ZNF804B: variants seen among roughly 807,000 people sequenced by gnomAD.
ZNF804B encodes zinc finger 804B.
Under a neutral mutation model 101.4 loss-of-function variants are expected in ZNF804B, and 80 were observed. That is an observed-to-expected ratio of 0.79 (90% CI 0.66 to 0.95). The LOEUF (loss-of-function observed/expected upper bound fraction) is 0.95, where lower values mean the gene tolerates loss of function less well. Ranked by LOEUF, ZNF804B falls within the 40% of genes least tolerant of loss-of-function variation. The pLI, the probability that ZNF804B is intolerant of heterozygous loss-of-function variation, is 0.00. For synonymous variants in ZNF804B, 622 were observed against 558.8 expected (o/e 1.11, Z -1.59); for missense variants, 1,673 against 1,561.9 (o/e 1.07, Z -1.20).
At chr7:89,140,443 C>G (rs1329401608) in intron 1 of ZNF804B, among the ~76,000 whole-genome samples, 1 of 151,980 alleles carries the variant, frequency 6.6e-6, no homozygotes, top group Non-Finnish European at 1.5e-5. Flanking sequence ...TTATCTTTAT[C>G]CAATAAAAGG....
At chr7:88,953,339 C>T (rs1203365866) in intron 1 of ZNF804B, among the ~76,000 whole-genome samples, 1 of 151,742 alleles carries the variant, frequency 6.6e-6, no homozygotes, top group Non-Finnish European at 1.5e-5. Context: ...TTTCCCTGCT[C>T]TAATGTCACT....
At chr7:89,137,545 G>A (rs768609954) in intron 1 of ZNF804B, among the ~76,000 whole-genome samples, 3 of 152,084 alleles carry the variant, frequency 2.0e-5, no homozygotes, top group African/African-American at 4.8e-5. Flanking sequence ...GAAATTTGGA[G>A]AGATGATTTA....
intron 1 of ZNF804B, among the ~76,000 whole-genome samples, chr7:89,139,073 A>C (rs1790679527): frequency 6.6e-6 from 1 of 152,148 alleles, no homozygotes; most frequent in African/African-American, 2.4e-5. Flanking sequence ...TTTGCTCCAG[A>C]CCACTACAAT....
At position 89,265,289 on chromosome 7, in the gene ZNF804B, T is replaced by TGCGC. The variant is rs1255212944; in HGVS notation, c.249+46995_249+46996insCGCG. On this transcript the variant is annotated intron_variant, in intron 2 of 3. Transcript: ENST00000333190. ...CAGTGTGTGTGTGTGTGTGTGTGTG[T>TGCGC]GTGTGCGCGTGCGCGCGCGCACACA... 9.4e-3 allele frequency among the ~76,000 whole-genome samples: 1,117 copies of TGCGC among 118,542 alleles called. 29 individuals carry two copies. In the East Asian group the frequency reaches 0.16, roughly 17 times the overall value. The allele number at this position is 118,542 out of a possible 152,430, so 77.8% of individuals were successfully genotyped here. A position where few individuals can be genotyped will look rare whatever the true frequency, so the allele number is the denominator to read the frequency against.
chr7:89,224,395 A>G (rs1381182260), intron 2 of ZNF804B, among the ~76,000 whole-genome samples: 1 of 152,066 alleles, frequency 6.6e-6, no homozygotes, highest in Non-Finnish European at 1.5e-5. Context: ...ACATATCAAA[A>G]CAGAACTACC....
chr7:89,115,950 A>C (rs1171322836), intron 1 of ZNF804B, among the ~76,000 whole-genome samples: 1 of 148,910 alleles, frequency 6.7e-6, no homozygotes, highest in African/African-American at 2.5e-5. Flanking sequence ...CCAGTTGCCC[A>C]GACTGGAGCA....
chr7:88,845,295 G>GTGCA (rs1554339279), intron 1 of ZNF804B, among the ~76,000 whole-genome samples: 1 of 101,312 alleles, frequency 9.9e-6, no homozygotes, highest in Non-Finnish European at 2.1e-5. Context: ...GCGCGCGCAC[G>GTGCA]CGCGCGCACA....
At chr7:88,995,563 A>G (rs1788176897) in intron 1 of ZNF804B, among the ~76,000 whole-genome samples, 1 of 151,880 alleles carries the variant, frequency 6.6e-6, no homozygotes. Context: ...AATCCCAAGC[A>G]TTCTCACCTC....
At chr7:88,822,414 G>A (rs1012516530) in intron 1 of ZNF804B, among the ~76,000 whole-genome samples, 3 of 152,082 alleles carry the variant, frequency 2.0e-5, no homozygotes, top group East Asian at 1.9e-4. Context: ...TATAGTTATC[G>A]CTAAATACAG....
intron 1 of ZNF804B, among the ~76,000 whole-genome samples, chr7:88,977,331 T>C (rs2116124613): frequency 6.6e-6 from 1 of 151,602 alleles, no homozygotes; most frequent in African/African-American, 2.4e-5. Context: ...TATTAGTTCT[T>C]TTTTAAATGT....
intron 1 of ZNF804B, among the ~76,000 whole-genome samples, chr7:88,956,498 C>T (rs1273837664): frequency 1.3e-5 from 2 of 151,482 alleles, no homozygotes; most frequent in South Asian, 4.1e-4. Context: ...ATGTTTATGG[C>T]ACTCTATTAC....
intron 1 of ZNF804B, among the ~76,000 whole-genome samples, chr7:88,977,089 G>A (rs1264531626): frequency 6.6e-6 from 1 of 151,688 alleles, no homozygotes; most frequent in Non-Finnish European, 1.5e-5. Context: ...GATCTCACTT[G>A]GTCCTGATGA....
At chr7:89,296,129 T>G (rs773144553) in intron 2 of ZNF804B, among the ~76,000 whole-genome samples, 1 of 152,126 alleles carries the variant, frequency 6.6e-6, no homozygotes, top group Non-Finnish European at 1.5e-5. Context: ...AAACCACTTG[T>G]ACCTAAAAGC....
intron 2 of ZNF804B, among the ~76,000 whole-genome samples, chr7:89,279,313 T>G (rs1790041784): frequency 6.6e-6 from 1 of 151,858 alleles, no homozygotes; most frequent in African/African-American, 2.4e-5. Flanking sequence ...ACAATTTGAC[T>G]TCCTCTTTTC....
intron 1 of ZNF804B, among the ~76,000 whole-genome samples, chr7:89,152,079 T>C (rs1209862124): frequency 6.6e-6 from 1 of 152,186 alleles, no homozygotes; most frequent in Non-Finnish European, 1.5e-5. Context: ...ACTACCCTGG[T>C]GTTCCTGTGA....
At chr7:89,276,302 T>C (rs1193869666) in intron 2 of ZNF804B, among the ~76,000 whole-genome samples, 2 of 151,958 alleles carry the variant, frequency 1.3e-5, no homozygotes, top group East Asian at 3.9e-4. Flanking sequence ...CTGCACATCC[T>C]GCACATGTAC....
chr7:88,771,453 T>G (rs149715583), intron 1 of ZNF804B, among the ~76,000 whole-genome samples: 6 of 152,240 alleles, frequency 3.9e-5, no homozygotes, highest in African/African-American at 1.4e-4. Context: ...CTGGAAGTTT[T>G]ATTTTAAAAA....
chr7:89,018,890 A>C (rs1788614573), intron 1 of ZNF804B, among the ~76,000 whole-genome samples: 1 of 151,792 alleles, frequency 6.6e-6, no homozygotes, highest in Non-Finnish European at 1.5e-5. Flanking sequence ...CTCTCTTTTT[A>C]GTCTAGCTAA....
chr7:88,898,431 C>T (rs1792342211), intron 1 of ZNF804B, among the ~76,000 whole-genome samples: 1 of 151,880 alleles, frequency 6.6e-6, no homozygotes, highest in African/African-American at 2.4e-5. Flanking sequence ...CTCTGCATCT[C>T]GTCTTCTCTT....
Sources: gnomAD v4.1 joint callset for allele counts (sites outside exome capture counted in the v4.1 genomes callset) on GRCh38, gnomAD v4.1.1 for gene constraint, MANE v1.5 for transcripts, NCBI Gene and HGNC (gene_info 2026-07-23, HGNC 2026-07-21) for gene names.